The following RBL2 variants were observed in gnomAD, a reference collection of about 807,000 sequenced individuals.
RBL2 encodes retinoblastoma-like protein 2.
In RBL2, 56 loss-of-function variants were observed where a neutral mutation model predicts 126.0. The ratio of observed to expected loss-of-function variants is 0.44; its 90% CI spans 0.36 to 0.56. The LOEUF (loss-of-function observed/expected upper bound fraction) is 0.56, where lower values mean the gene tolerates loss of function less well. Among genes scored for constraint, RBL2 ranks in the 20% least tolerant of loss-of-function variants. The pLI is 0.00. For missense variants in RBL2, 1,229 were observed against 1,398.2 expected (o/e 0.88, Z 1.93); for synonymous variants, 454 against 478.5 (o/e 0.95, Z 0.67).
chr16:53,470,324 C>G, intron 15 of RBL2, 59 bp from the exon 16 acceptor site: 3 of 1,580,476 alleles, frequency 1.9e-6, no homozygotes, highest in Non-Finnish European at 2.6e-6. Context: ...TTGTAAACCT[C>G]TGCCCGGAGA....
chr16:53,463,540 C>G (rs1260206359), intron 11 of RBL2, among the ~76,000 whole-genome samples: 1 of 150,684 alleles, frequency 6.6e-6, no homozygotes, highest in Admixed American at 6.6e-5. Context: ...CCTGCCTGGC[C>G]CCTTTCAATA....
intron 7 of RBL2, chr16:53,454,164 G>C: frequency 2.3e-6 from 1 of 437,218 alleles, no homozygotes; most frequent in South Asian, 1.7e-5. Flanking sequence ...TGATGGATGA[G>C]CTTGGGGATA....
At chr16:53,484,017 G>A (rs945248154) in intron 21 of RBL2, among the ~76,000 whole-genome samples, 10 of 151,110 alleles carry the variant, frequency 6.6e-5, no homozygotes, top group Non-Finnish European at 1.5e-5. Context: ...AGACATACCA[G>A]CGATTCTGAA....
At position 53,434,545 on chromosome 16, in the gene RBL2, C is replaced by G; in HGVS notation, c.-12C>G. The G allele has an allele frequency of 6.8e-6, 10 of 1,461,038 alleles. No individual in the cohort carries two copies. Among genetic ancestry groups the G allele is most frequent in the Non-Finnish European group, 9.0e-6 (10 of 1,113,280 alleles). The allele number at this position is 1,461,038 out of a possible 1,614,324, so 90.5% of individuals were successfully genotyped here. ...TCACCTCACCTGAGGTCCGGCCGCC[C>G]AGGGGTGCGCTATGCCGTCGGGAGG... On this transcript the variant is annotated 5_prime_UTR_variant, in exon 1 of 22. Transcript: ENST00000262133.
intron 8 of RBL2, among the ~76,000 whole-genome samples, chr16:53,455,440 T>C (rs1279180447): frequency 1.3e-5 from 2 of 152,222 alleles, no homozygotes; most frequent in African/African-American, 4.8e-5. Context: ...GGTCTGCTTA[T>C]TCATTCAACA....
Position 53,454,730 on chromosome 16 carries a change from A to G in RBL2, c.1067A>G (p.Glu356Gly). The change falls in exon 8 of 22, where the codon GAG (glutamate) becomes GGG (glycine). Residue 356 changes from glutamate (E) to glycine (G), a missense_variant. Glu to Gly is a moderately conservative substitution (Grantham distance 98, BLOSUM62 -2). Around this residue, in one of 2 missense-constraint regions of RBL2, gnomAD observed 1,070 missense variants for 1,274.3 expected, o/e 0.84. Transcript: ENST00000262133. Reference sequence around the variant, plus strand: ...TTAGATGAGCGGATATTTCTTGGAGAGGATGCTGAGGAGGAAATTGGGACT... The same window carrying G: ...TTAGATGAGCGGATATTTCTTGGAGGGGATGCTGAGGAGGAAATTGGGACT... ...GNLDERIFLG[E>G]DAEEEIGTLS... 1 of 1,613,860 alleles carries G rather than the reference A, an allele frequency of 6.2e-7. No individual in the cohort carries two copies. The highest frequency in any genetic ancestry group is 1.1e-5 in the South Asian group (1 of 91,072).
At chr16:53,472,939 A>ATC (rs1248014033) in intron 17 of RBL2, among the ~76,000 whole-genome samples, 3 of 152,186 alleles carry the variant, frequency 2.0e-5, no homozygotes, top group Non-Finnish European at 4.4e-5. Context: ...TCTCAGCACC[A>ATC]TTGTTGAAAA....
At chr16:53,451,353 T>A (rs569091606) in intron 4 of RBL2, among the ~76,000 whole-genome samples, 2 of 152,134 alleles carry the variant, frequency 1.3e-5, no homozygotes, top group East Asian at 3.9e-4. Flanking sequence ...AAAAAGTTTT[T>A]AAATTAGCCA....
rs749818140 is a variant in RBL2, at chr16:53,470,516, G to A, written c.2379G>A (p.Gln793=). Residue 793 remains glutamine (Q), a synonymous_variant, in exon 16 of 22, where the codon CAG becomes CAA. Coordinates refer to ENST00000262133, the MANE Select transcript of RBL2 (RefSeq NM_005611.4). ...QALAGSLSSQ[Q]VTGTTLQVPG... ...TGGCTGGAAGTCTGAGCTCTCAACA[G>A]GTGACAGGAACAACTTTGCAAGTCC... 5.8e-5 allele frequency: 93 copies of A among 1,614,036 alleles called. No individual in the cohort carries two copies. Among genetic ancestry groups the A allele is most frequent in the Non-Finnish European group, 7.7e-5 (91 of 1,180,046 alleles).
At chr16:53,463,878 T>A (rs2058247270) in intron 11 of RBL2, among the ~76,000 whole-genome samples, 1 of 152,108 alleles carries the variant, frequency 6.6e-6, no homozygotes, top group African/African-American at 2.4e-5. Flanking sequence ...CCCTTTCAGT[T>A]TTTTATAGCA....
chr16:53,459,330 GTAAAGA>G, intron 8 of RBL2, 115 bp from the exon 9 acceptor site: 2 of 755,048 alleles, frequency 2.6e-6, no homozygotes, highest in Non-Finnish European at 4.2e-6. Flanking sequence ...TATTGATATT[GTAAAGA>G]TAAAGTCTTA....
chr16:53,464,810 T>C (rs1026280694), intron 12 of RBL2: 2 of 153,338 alleles, frequency 1.3e-5, no homozygotes, highest in Non-Finnish European at 2.9e-5. Context: ...TTTTTTTTTT[T>C]TGAGATGGAG....
chr16:53,443,951 A>G (rs917527298), intron 3 of RBL2, among the ~76,000 whole-genome samples: 1 of 152,202 alleles, frequency 6.6e-6, no homozygotes, highest in Admixed American at 6.5e-5. Flanking sequence ...TTGACTATTT[A>G]AAATGAAGCA....
intron 8 of RBL2, among the ~76,000 whole-genome samples, chr16:53,457,640 A>G (rs972717721): frequency 6.6e-6 from 1 of 152,188 alleles, no homozygotes; most frequent in African/African-American, 2.4e-5. Context: ...GACTAAGGAC[A>G]AAGCTCAGGG....
At chr16:53,448,238 A>G (rs1023179896) in intron 4 of RBL2, among the ~76,000 whole-genome samples, 29 of 151,466 alleles carry the variant, frequency 1.9e-4, no homozygotes, top group African/African-American at 6.1e-4. Flanking sequence ...GCCCACTGCA[A>G]CCTCTGCTGC....
chr16:53,469,500 T>C (rs2150813029), intron 14 of RBL2, among the ~76,000 whole-genome samples: 1 of 152,322 alleles, frequency 6.6e-6, no homozygotes, highest in East Asian at 1.9e-4. Context: ...GTAGTGGCTC[T>C]GTAGTAAAAT....
rs2058313061 is a variant in RBL2, at chr16:53,470,563, A to G, written c.2426A>G (p.Gln809Arg). 1 of 1,614,198 alleles carries G rather than the reference A, an allele frequency of 6.2e-7. No homozygotes were observed. The highest frequency in any genetic ancestry group is 8.5e-7 in the Non-Finnish European group (1 of 1,180,048). The stretch of plus-strand genomic sequence containing the variant: ...GTCCCTGGTCAAGTGGCCATTCAAC[A>G]GATTTCCCCAGGTGGCCAACAGCAG... ...LQVPGQVAIQ[Q>R]ISPGGQQQKQ... The change falls in exon 16 of 22, where the codon CAG (glutamine) becomes CGG (arginine). Residue 809 changes from glutamine (Q) to arginine (R), a missense_variant. Gln to Arg is a conservative substitution (Grantham distance 43, BLOSUM62 1). Around this residue, in one of 2 missense-constraint regions of RBL2, gnomAD observed 1,070 missense variants for 1,274.3 expected, o/e 0.84. Coordinates refer to ENST00000262133, the MANE Select transcript of RBL2 (RefSeq NM_005611.4).
In RBL2 at chr16:53,491,441, T is replaced by A. The variant is rs1335304587; in HGVS notation, c.*1141T>A. ...TCCAGCAGTTTTCAAGTCAAATTAA[T>A]AATCTTATTAGGGAGAAAATTCAAT... On this transcript the variant is annotated 3_prime_UTR_variant, in exon 22 of 22. Coordinates refer to ENST00000262133, the MANE Select transcript of RBL2 (RefSeq NM_005611.4). 1 of 152,466 alleles carries A rather than the reference T, an allele frequency of 6.6e-6. No homozygotes were observed. The highest frequency in any genetic ancestry group is 6.5e-5 in the Admixed American group (1 of 15,278). 9.4% of individuals were successfully genotyped at this position (152,466 alleles called of 1,614,324 possible).
intron 5 of RBL2, among the ~76,000 whole-genome samples, chr16:53,453,203 T>C (rs1243067072): frequency 6.6e-6 from 1 of 152,208 alleles, no homozygotes; most frequent in Non-Finnish European, 1.5e-5. Flanking sequence ...AATTTAAGTT[T>C]TAAGTTTCCC....
Sources: allele counts gnomAD v4.1 joint callset (sites outside exome capture counted in the v4.1 genomes callset), GRCh38; gene constraint gnomAD v4.1.1; regional missense constraint gnomAD v4.1.1; transcripts MANE v1.5; gene names NCBI Gene and HGNC (gene_info 2026-07-23, HGNC 2026-07-21).